The following TIMM23 variants were observed in gnomAD, a reference collection of about 807,000 sequenced individuals.
The protein encoded by TIMM23 is translocase of inner mitochondrial membrane 23, also known as mitochondrial import inner membrane translocase subunit Tim23.
In TIMM23, 19 loss-of-function variants were observed where a neutral mutation model predicts 30.7. The observed-to-expected ratio is 0.62, with a 90% CI of 0.43 to 0.91. The LOEUF (loss-of-function observed/expected upper bound fraction) is 0.91, where lower values mean the gene tolerates loss of function less well. TIMM23 is among the 40% of genes least tolerant of loss of function. The probability of loss-of-function intolerance (pLI) is 0.00; values close to 1 mark genes in which losing one functional copy is unlikely to be tolerated. For synonymous variants in TIMM23, 78 were observed against 98.5 expected, an observed-to-expected ratio of 0.79 and a Z score of 1.23; for missense variants, 202 against 269.2, an observed-to-expected ratio of 0.75 and a Z score of 1.75.
intron 6 of TIMM23, among the ~76,000 whole-genome samples, chr10:45,989,831 A>T (rs1838102756): frequency 6.6e-6 from 1 of 152,168 alleles, no homozygotes; most frequent in Admixed American, 6.5e-5. Flanking sequence ...GATAAGTTTT[A>T]CTAGTTTAGA....
intron 1 of TIMM23, among the ~76,000 whole-genome samples, chr10:45,973,566 A>G (rs1177339959): frequency 6.6e-6 from 1 of 152,246 alleles, no homozygotes; most frequent in Non-Finnish European, 1.5e-5. Flanking sequence ...GCAAAAAAAT[A>G]TAAAAGACCT....
At chr10:45,982,500 G>T (rs1272569531) in intron 2 of TIMM23, 23 bp from the exon 3 acceptor site, 2 of 1,612,106 alleles carry the variant, frequency 1.2e-6, no homozygotes, top group African/African-American at 2.7e-5. Context: ...CACTCAGCTT[G>T]GTTTTCATTA....
intron 6 of TIMM23, among the ~76,000 whole-genome samples, chr10:45,997,337 A>G (rs1441528705): frequency 6.6e-6 from 1 of 152,238 alleles, no homozygotes; most frequent in Non-Finnish European, 1.5e-5. Flanking sequence ...CATCTATAAA[A>G]AAAAATGGTG....
intron 5 of TIMM23, among the ~76,000 whole-genome samples, chr10:45,986,805 G>A (rs1479973860): frequency 4.6e-4 from 9 of 19,418 alleles, no homozygotes; most frequent in Non-Finnish European, 7.9e-4. Flanking sequence ...CTAGAAATAC[G>A]TGTGTGTGTG....
intron 2 of TIMM23, 47 bp from the exon 3 acceptor site, chr10:45,982,476 T>C (rs1368739026): frequency 1.3e-6 from 2 of 1,591,510 alleles, no homozygotes; most frequent in Non-Finnish European, 1.7e-6. Context: ...TTACAAGATT[T>C]GTGTCTTGAG....
chr10:45,993,639 G>A (rs1838238619), intron 6 of TIMM23, among the ~76,000 whole-genome samples: 2 of 152,178 alleles, frequency 1.3e-5, no homozygotes, highest in South Asian at 2.1e-4. Context: ...GGGCGATAGA[G>A]CAAGTCTCTG....
chr10:45,987,801 A>G (rs1554915009), intron 5 of TIMM23, among the ~76,000 whole-genome samples: 31 of 151,798 alleles, frequency 2.0e-4, no homozygotes, highest in Non-Finnish European at 4.1e-4. Context: ...AAATTTTTTT[A>G]GAGAAGGGGG....
chr10:45,989,608 C>T (rs1838096578), intron 6 of TIMM23, among the ~76,000 whole-genome samples: 1 of 152,058 alleles, frequency 6.6e-6, no homozygotes, highest in Admixed American at 6.6e-5. Flanking sequence ...CTTGGACAGA[C>T]TAAGCAATAG....
Position 46,003,484 on chromosome 10 carries a change from G to T in TIMM23, c.*166G>T. The T allele has an allele frequency of 1.8e-6, 1 of 551,612 alleles. No individual in the cohort carries two copies. Among genetic ancestry groups the T allele is most frequent in the Non-Finnish European group, 3.2e-6 (1 of 309,492 alleles). The allele number at this position is 551,612 out of a possible 1,614,324, so 34.2% of individuals were successfully genotyped here. A position where few individuals can be genotyped will look rare whatever the true frequency, so the allele number is the denominator to read the frequency against. On this transcript the variant is annotated 3_prime_UTR_variant, in exon 7 of 7. Coordinates refer to ENST00000580018, the MANE Select transcript of TIMM23 (RefSeq NM_006327.4). ...GGATGGCTGACCAAGACTGGCACTT[G>T]TTCCAGCCATTAGTGAGTTGAAGCC...
chr10:45,999,952 T>C (rs1286046475), intron 6 of TIMM23, among the ~76,000 whole-genome samples: 1 of 152,214 alleles, frequency 6.6e-6, no homozygotes, highest in Non-Finnish European at 1.5e-5. Flanking sequence ...CCCATTTGCT[T>C]TTGAAGGAAG....
At chr10:45,973,245 G>A (rs1201947984) in intron 1 of TIMM23, among the ~76,000 whole-genome samples, 3 of 152,168 alleles carry the variant, frequency 2.0e-5, no homozygotes, top group Non-Finnish European at 4.4e-5. Flanking sequence ...GAACTTTAAA[G>A]GTGATATATA....
In TIMM23 at chr10:45,982,843, C is replaced by T. The variant is rs1837886848; in HGVS notation, c.260-3C>T. 99 of 1,613,134 alleles carry T rather than the reference C, an allele frequency of 6.1e-5. No individual in the cohort carries two copies. The highest frequency in any genetic ancestry group is 8.0e-5 in the Non-Finnish European group (94 of 1,179,782). ...ATCTGGGTGAATTGTTATGATTTAC[C>T]AGGGGCTGCGTTTGGTGCAATGAAT... On this transcript the variant is annotated splice_region_variant and splice_polypyrimidine_tract_variant and intron_variant, in intron 3 of 6. Coordinates refer to ENST00000580018, the MANE Select transcript of TIMM23 (RefSeq NM_006327.4).
intron 2 of TIMM23, among the ~76,000 whole-genome samples, chr10:45,977,478 A>G (rs1310676422): frequency 4.6e-5 from 7 of 152,196 alleles, no homozygotes; most frequent in African/African-American, 9.7e-5. Flanking sequence ...AGACGTTAGG[A>G]CAACTGGAAT....
intron 1 of TIMM23, among the ~76,000 whole-genome samples, chr10:45,973,028 T>C (rs2132234869): frequency 6.6e-6 from 1 of 152,312 alleles, no homozygotes; most frequent in African/African-American, 2.4e-5. Flanking sequence ...GGCCGTGTGA[T>C]TGACCCTTGA....
At chr10:45,980,378 C>T (rs1420874032) in intron 2 of TIMM23, among the ~76,000 whole-genome samples, 36 of 152,176 alleles carry the variant, frequency 2.4e-4, no homozygotes, top group African/African-American at 8.4e-4. Context: ...GGATTACAAG[C>T]GTGAGCTACT....
intron 6 of TIMM23, among the ~76,000 whole-genome samples, chr10:46,001,040 C>T (rs1838516944): frequency 6.6e-6 from 1 of 152,234 alleles, no homozygotes; most frequent in South Asian, 2.1e-4. Context: ...CATTTATTCT[C>T]CTGTGCCTCA....
chr10:45,996,431 G>T (rs1287858886), intron 6 of TIMM23, among the ~76,000 whole-genome samples: 1 of 150,016 alleles, frequency 6.7e-6, no homozygotes, highest in Non-Finnish European at 1.5e-5. Context: ...AAAAAGGTCC[G>T]CCTAATACCA....
intron 6 of TIMM23, among the ~76,000 whole-genome samples, chr10:45,993,406 C>G (rs1256271160): frequency 6.6e-6 from 1 of 151,952 alleles, no homozygotes; most frequent in African/African-American, 2.4e-5. Context: ...GCATGCACCA[C>G]GATGCCTGGC....
Position 46,003,355 on chromosome 10 carries a change from A to T in TIMM23, c.*37A>T, listed in dbSNP as rs902310732. The T allele has an allele frequency of 2.9e-6, 4 of 1,373,356 alleles. No homozygotes were observed. The highest frequency in any genetic ancestry group is 1.4e-5 in the African/African-American group (1 of 69,986). 85.1% of individuals were successfully genotyped at this position (1,373,356 alleles called of 1,614,324 possible). A position where few individuals can be genotyped will look rare whatever the true frequency, so the allele number is the denominator to read the frequency against. On this transcript the variant is annotated 3_prime_UTR_variant, in exon 7 of 7. Transcript: ENST00000580018. ...ACTCATGAATGGAGGACACTTCAGT[A>T]GTCATCTAGATCCTTTTATAAGACA...
Sources: allele counts gnomAD v4.1 joint callset (sites outside exome capture counted in the v4.1 genomes callset), GRCh38; gene constraint gnomAD v4.1.1; transcripts MANE v1.5; gene names NCBI Gene and HGNC (gene_info 2026-07-23, HGNC 2026-07-21).